The following FHOD3 variants were observed in gnomAD, a reference collection of about 807,000 sequenced individuals.
FHOD3 encodes formin homology 2 domain containing 3.
In FHOD3, 90 loss-of-function variants were observed where a neutral mutation model predicts 173.0. The observed-to-expected ratio is 0.52, with a 90% CI of 0.44 to 0.62. The LOEUF is 0.62. Ranked by LOEUF, FHOD3 falls within the 20% of genes least tolerant of loss-of-function variation. The pLI, the probability that FHOD3 is intolerant of heterozygous loss-of-function variation, is 0.00. For synonymous variants in FHOD3, 828 were observed against 823.0 expected (o/e 1.01, Z -0.10); for missense variants, 1,945 against 2,034.7 (o/e 0.96, Z 0.85).
intron 16 of FHOD3, among the ~76,000 whole-genome samples, chr18:36,689,356 C>G (rs1444387624): frequency 6.6e-6 from 1 of 152,180 alleles, no homozygotes; most frequent in Non-Finnish European, 1.5e-5. Flanking sequence ...ATGCAAGACT[C>G]AGAAAAAGAC....
intron 15 of FHOD3, among the ~76,000 whole-genome samples, chr18:36,686,237 A>G (rs1056632940): frequency 6.6e-6 from 1 of 152,100 alleles, no homozygotes; most frequent in Admixed American, 6.5e-5. Flanking sequence ...GATAAAGAAA[A>G]TATGGTACAT....
chr18:36,634,614 C>T (rs540336508), intron 10 of FHOD3, among the ~76,000 whole-genome samples: 1 of 152,228 alleles, frequency 6.6e-6, no homozygotes, highest in East Asian at 1.9e-4. Context: ...GTGACCTGCT[C>T]AGCCCTGGCT....
In FHOD3 at chr18:36,352,037, G is replaced by A. The variant is rs570123888; in HGVS notation, c.166-3502G>A. Reference sequence around the variant, plus strand: ...GAATGGCCAAGAGCAGTATGTGCTAGTGCTGGCCTGGGTGACCTGCAAGAC... The same window carrying A: ...GAATGGCCAAGAGCAGTATGTGCTAATGCTGGCCTGGGTGACCTGCAAGAC... On this transcript the variant is annotated intron_variant, in intron 1 of 28. Coordinates refer to ENST00000590592, the MANE Select transcript of FHOD3 (RefSeq NM_001281740.3). 2.0e-5 allele frequency among the ~76,000 whole-genome samples: 3 copies of A among 152,276 alleles called. No homozygotes were observed. The East Asian group carries it at 5.8e-4, about 29-fold the overall frequency.
At chr18:36,513,347 G>T (rs941933413) in intron 5 of FHOD3, among the ~76,000 whole-genome samples, 1 of 152,112 alleles carries the variant, frequency 6.6e-6, no homozygotes, top group African/African-American at 2.4e-5. Context: ...GAGACTCAAA[G>T]AAGTCATTAA....
rs568631686 is a variant in FHOD3 at position 36,372,955 on chromosome 18, A to G, written c.337+211A>G. On this transcript the variant is annotated intron_variant, in intron 3 of 28. Transcript: ENST00000590592. ...TTGGTTAGTGACTGGAGCGTGAGGT[A>G]AGACAGCTTGCTGGTGAGGTGCCTT... Among the ~76,000 whole-genome samples, 51 of 152,270 alleles carry G rather than the reference A, an allele frequency of 3.3e-4. 1 individual carries two copies. The highest frequency in any genetic ancestry group is 1.2e-3 in the African/African-American group (50 of 41,562).
chr18:36,672,513 A>G (rs2037595528), intron 14 of FHOD3, among the ~76,000 whole-genome samples: 1 of 152,174 alleles, frequency 6.6e-6, no homozygotes, highest in South Asian at 2.1e-4. Flanking sequence ...CACCTCGCCC[A>G]GACTTGTTCA....
At chr18:36,758,460 G>A (rs2042726072) in intron 25 of FHOD3, among the ~76,000 whole-genome samples, 1 of 152,206 alleles carries the variant, frequency 6.6e-6, no homozygotes, top group African/African-American at 2.4e-5. Context: ...AGTTCAGGTG[G>A]CTCCCATGAG....
intron 3 of FHOD3, among the ~76,000 whole-genome samples, chr18:36,406,437 G>A (rs1363524251): frequency 1.3e-5 from 2 of 152,180 alleles, no homozygotes; most frequent in South Asian, 2.1e-4. Context: ...TGGCATGTGC[G>A]GGAATGAGGA....
chr18:36,329,554 G>A (rs2044872081), intron 1 of FHOD3, among the ~76,000 whole-genome samples: 1 of 152,164 alleles, frequency 6.6e-6, no homozygotes, highest in Non-Finnish European at 1.5e-5. Flanking sequence ...ATAGTCACAG[G>A]CCTGCTATGG....
intron 6 of FHOD3, among the ~76,000 whole-genome samples, chr18:36,580,364 C>T (rs1599738828): frequency 6.6e-6 from 1 of 152,184 alleles, no homozygotes; most frequent in African/African-American, 2.4e-5. Flanking sequence ...TAGTCTCTGG[C>T]TCCTGTGTTC....
At chr18:36,299,168 G>A (rs1232344276) in intron 1 of FHOD3, among the ~76,000 whole-genome samples, 1 of 152,156 alleles carries the variant, frequency 6.6e-6, no homozygotes, top group African/African-American at 2.4e-5. Context: ...CTCTATTAAT[G>A]TATCAGTGCT....
intron 3 of FHOD3, among the ~76,000 whole-genome samples, chr18:36,485,449 A>G (rs1461635604): frequency 6.6e-6 from 1 of 152,160 alleles, no homozygotes; most frequent in Non-Finnish European, 1.5e-5. Flanking sequence ...GCCCACCCAT[A>G]GGGCCTGTGG....
intron 3 of FHOD3, among the ~76,000 whole-genome samples, chr18:36,468,136 G>A (rs1309444274): frequency 6.6e-6 from 1 of 152,172 alleles, no homozygotes; most frequent in African/African-American, 2.4e-5. Context: ...GTGAGAACAA[G>A]CAAGGGTCGA....
chr18:36,746,721 A>G (rs372647834), intron 23 of FHOD3, among the ~76,000 whole-genome samples: 37 of 152,366 alleles, frequency 2.4e-4, no homozygotes, highest in African/African-American at 7.7e-4. Flanking sequence ...AAAAGGTAAC[A>G]CATGTATTAA....
At chr18:36,529,006 C>A (rs2056659416) in intron 5 of FHOD3, among the ~76,000 whole-genome samples, 1 of 152,188 alleles carries the variant, frequency 6.6e-6, no homozygotes, top group Non-Finnish European at 1.5e-5. Context: ...AGGATTCTGA[C>A]CCCAAGCAGA....
intron 3 of FHOD3, among the ~76,000 whole-genome samples, chr18:36,392,308 G>A (rs900266031): frequency 1.3e-5 from 2 of 152,118 alleles, no homozygotes; most frequent in East Asian, 3.9e-4. Context: ...ACACATGATG[G>A]GTCTTAATAT....
Position 36,552,794 on chromosome 18 carries a change from G to A in FHOD3, c.512-23657G>A, listed in dbSNP as rs372419545. 1.4e-4 allele frequency among the ~76,000 whole-genome samples: 21 copies of A among 152,068 alleles called. No individual in the cohort carries two copies. The East Asian group carries it at 1.7e-3, about 13-fold the overall frequency. ...ATTACAGGCATGAGCCACTGCGCCCGGCCAATACCCTTTATTTCTTTCTCC... is the reference window on the plus strand; with the variant it reads ...ATTACAGGCATGAGCCACTGCGCCCAGCCAATACCCTTTATTTCTTTCTCC... On this transcript the variant is annotated intron_variant, in intron 5 of 28. Transcript: ENST00000590592.
intron 3 of FHOD3, among the ~76,000 whole-genome samples, chr18:36,480,403 A>G (rs2053820726): frequency 6.6e-6 from 1 of 152,192 alleles, no homozygotes; most frequent in African/African-American, 2.4e-5. Context: ...CGCTAGCGGG[A>G]AATTGGGGTT....
intron 10 of FHOD3, among the ~76,000 whole-genome samples, chr18:36,628,145 T>C (rs1009415430): frequency 6.6e-6 from 1 of 152,192 alleles, no homozygotes; most frequent in African/African-American, 2.4e-5. Context: ...GATGGTCCTT[T>C]TGCATCATTT....
Sources: allele counts gnomAD v4.1 joint callset (sites outside exome capture counted in the v4.1 genomes callset), GRCh38; gene constraint gnomAD v4.1.1; transcripts MANE v1.5; gene names NCBI Gene and HGNC (gene_info 2026-07-23, HGNC 2026-07-21).